PIEZO2: variants seen among roughly 807,000 people sequenced by gnomAD.
PIEZO2 encodes the protein piezo type mechanosensitive ion channel component 2.
In PIEZO2, 172 loss-of-function variants were observed where a neutral mutation model predicts 337.3. The ratio of observed to expected loss-of-function variants is 0.51; its 90% confidence interval spans 0.45 to 0.58. The LOEUF is 0.58. Among genes scored for constraint, PIEZO2 ranks in the 20% least tolerant of loss-of-function variants. The pLI is 0.00. For synonymous variants in PIEZO2, 1,251 were observed against 1,228.5 expected, an observed-to-expected ratio of 1.02 and a Z score of -0.38; for missense variants, 3,028 against 3,391.3, an observed-to-expected ratio of 0.89 and a Z score of 2.66.
chr18:10,683,466 TG>T (rs1433081981), intron 49 of PIEZO2, among the ~76,000 whole-genome samples: 1 of 152,208 alleles, frequency 6.6e-6, no homozygotes, highest in African/African-American at 2.4e-5. Flanking sequence ...GAAGTTCAGA[TG>T]GTAGCAGTGC....
chr18:10,682,208 T>C lies in PIEZO2; in HGVS notation c.7582A>G (p.Ile2528Val), dbSNP rs1300539688. Residue 2528 changes from isoleucine (I) to valine (V), a missense_variant, in exon 50 of 56, where the codon ATT becomes GTT. Transcript: ENST00000674853. The surrounding 1 kb of genome is among the most constrained non-coding windows in gnomAD (Gnocchi z 5.6). ...ATGAAGAGAAGAGGAAACCAGACAA[T>C]GCAGATGAGCAGGACGATGATCATT... ...GGMIIVLLIC[I>V]VWFPLLFMSL... 1 of 1,537,162 alleles carries C rather than the reference T, an allele frequency of 6.5e-7. No homozygotes were observed. Among genetic ancestry groups the C allele is most frequent in the Non-Finnish European group, 8.7e-7 (1 of 1,146,882 alleles).
At chr18:11,084,104 G>C (rs530001858) in intron 1 of PIEZO2, among the ~76,000 whole-genome samples, 2 of 151,458 alleles carry the variant, frequency 1.3e-5, no homozygotes, top group South Asian at 2.1e-4. Flanking sequence ...TTGAACCTGG[G>C]GGGTGGAGGC....
At chr18:11,118,564 G>A (rs1290214464) in intron 1 of PIEZO2, among the ~76,000 whole-genome samples, 1 of 152,154 alleles carries the variant, frequency 6.6e-6, no homozygotes. Flanking sequence ...CAGAAATAAT[G>A]TAAAAAGAGA....
chr18:10,753,874 C>T (rs930435213), intron 27 of PIEZO2, among the ~76,000 whole-genome samples: 1 of 152,046 alleles, frequency 6.6e-6, no homozygotes, highest in African/African-American at 2.4e-5. Context: ...TTCTAAAATA[C>T]ATAAAACCCT....
intron 34 of PIEZO2, 134 bp downstream of exon 34, chr18:10,736,470 T>C (rs2036998534): frequency 3.2e-6 from 4 of 1,239,342 alleles, no homozygotes; most frequent in East Asian, 2.6e-5. Flanking sequence ...AAATAAAGAA[T>C]TGCAGATGTA....
intron 36 of PIEZO2, chr18:10,728,318 A>C (rs1018720248): frequency 6.6e-6 from 1 of 152,540 alleles, no homozygotes; most frequent in African/African-American, 2.4e-5. Flanking sequence ...AAGTAAAAAC[A>C]GGCACACTCT....
intron 1 of PIEZO2, among the ~76,000 whole-genome samples, chr18:11,137,011 A>T (rs2040508273): frequency 6.6e-6 from 1 of 152,184 alleles, no homozygotes; most frequent in African/African-American, 2.4e-5. Context: ...TGGGTGATGA[A>T]GCTCCTTTAT....
At position 10,726,767 on chromosome 18, in the gene PIEZO2, TG is replaced by T; in HGVS notation, c.5029+4639del. The T allele has an allele frequency of 6.6e-7, 1 of 1,523,802 alleles. No individual in the cohort carries two copies. Among genetic ancestry groups the T allele is most frequent in the Non-Finnish European group, 9.1e-7 (1 of 1,102,754 alleles). 94.4% of individuals were successfully genotyped at this position (1,523,802 alleles called of 1,614,324 possible). A position where few individuals can be genotyped will look rare whatever the true frequency, so the allele number is the denominator to read the frequency against. On this transcript the variant is annotated intron_variant, in intron 36 of 55. Coordinates refer to ENST00000674853, the MANE Select transcript of PIEZO2 (RefSeq NM_001378183.1). This position sits in a 1 kb window ranked among gnomAD's most constrained non-coding sequence, Gnocchi z 5.9. ...ATCGATTTCCCGCTGCTGACCTCAC[TG>T]GGCAAGGTGTCCTATGAGGATGTGG...
rs1413179407 is a variant in PIEZO2 at position 10,969,633 on chromosome 18, A to G, written c.286+9902T>C. ...ATACCAAGTAACTTAATTGATAAATAGTTTCTAAAGAGAAATAAAACACGT... is the reference window on the plus strand; with the variant it reads ...ATACCAAGTAACTTAATTGATAAATGGTTTCTAAAGAGAAATAAAACACGT... On this transcript the variant is annotated intron_variant, in intron 3 of 55. Coordinates refer to ENST00000674853, the MANE Select transcript of PIEZO2 (RefSeq NM_001378183.1). This position sits in a 1 kb window ranked among gnomAD's most constrained non-coding sequence, Gnocchi z 4.5. Among the ~76,000 whole-genome samples the G allele has an allele frequency of 1.3e-5, 2 of 152,182 alleles. No homozygotes were observed. The highest frequency in any genetic ancestry group is 2.9e-5 in the Non-Finnish European group (2 of 68,024).
At chr18:10,719,002 TAAATA>T (rs1567981804) in intron 36 of PIEZO2, among the ~76,000 whole-genome samples, 19 of 150,804 alleles carry the variant, frequency 1.3e-4, no homozygotes, top group African/African-American at 3.6e-4. Flanking sequence ...AATAAATAAA[TAAATA>T]AATAAATAAA....
At chr18:10,807,608 A>G (rs1006824020) in intron 7 of PIEZO2, among the ~76,000 whole-genome samples, 1 of 152,234 alleles carries the variant, frequency 6.6e-6, no homozygotes, top group Non-Finnish European at 1.5e-5. Context: ...TTTAATTATT[A>G]ATCAGCCCTA....
At position 11,021,684 on chromosome 18, in the gene PIEZO2, T is replaced by A. The variant is rs1440870028; in HGVS notation, c.161-42024A>T. 6.6e-6 allele frequency among the ~76,000 whole-genome samples: 1 copy of A among 152,220 alleles called. No individual in the cohort carries two copies. Among genetic ancestry groups the A allele is most frequent in the Non-Finnish European group, 1.5e-5 (1 of 68,044 alleles). Reference sequence around the variant, plus strand: ...TCGTGCTGTAACTGCACTGATGGAATGAATGAGAAAACCACGTCCCTCCCA... The same window carrying A: ...TCGTGCTGTAACTGCACTGATGGAAAGAATGAGAAAACCACGTCCCTCCCA... On this transcript the variant is annotated intron_variant, in intron 2 of 55. Coordinates refer to ENST00000674853, the MANE Select transcript of PIEZO2 (RefSeq NM_001378183.1). The surrounding 1 kb of genome is among the most constrained non-coding windows in gnomAD (Gnocchi z 4.7).
intron 1 of PIEZO2, among the ~76,000 whole-genome samples, chr18:11,076,481 G>T (rs1304343184): frequency 6.6e-6 from 1 of 151,948 alleles, no homozygotes; most frequent in Non-Finnish European, 1.5e-5. Flanking sequence ...TGAATTTTCT[G>T]CTTTTTCCAA....
rs1332292935 is a variant in PIEZO2 at position 10,672,322 on chromosome 18, G to T, written c.8345+368C>A. Among the ~76,000 whole-genome samples the T allele has an allele frequency of 6.6e-6, 1 of 152,158 alleles. No individual in the cohort carries two copies. Among genetic ancestry groups the T allele is most frequent in the Non-Finnish European group, 1.5e-5 (1 of 68,034 alleles). On this transcript the variant is annotated intron_variant, in intron 55 of 55. Coordinates refer to ENST00000674853, the MANE Select transcript of PIEZO2 (RefSeq NM_001378183.1). The surrounding 1 kb of genome is among the most constrained non-coding windows in gnomAD (Gnocchi z 4.7). ...CATCAGAACATGATGCGATGTTTCA[G>T]AAGTTCAAAAGCAGGATGTCTAATA...
At chr18:11,137,199 T>G (rs886067393) in intron 1 of PIEZO2, among the ~76,000 whole-genome samples, 2 of 152,156 alleles carry the variant, frequency 1.3e-5, no homozygotes, top group Non-Finnish European at 2.9e-5. Context: ...CATAATCAAC[T>G]GTTTTGTAAA....
chr18:10,848,377 A>G (rs72973114), intron 7 of PIEZO2, among the ~76,000 whole-genome samples: 45,134 of 152,086 alleles, frequency 0.3, 7,196 homozygotes, highest in African/African-American at 0.43. Flanking sequence ...TCATGCTAGA[A>G]TTTGAGGTTT....
intron 4 of PIEZO2, among the ~76,000 whole-genome samples, chr18:10,893,145 C>A (rs2072479279): frequency 1.3e-5 from 2 of 152,286 alleles, no homozygotes; most frequent in East Asian, 1.9e-4. Context: ...AGACCTATTA[C>A]AAAATCACTG....
intron 1 of PIEZO2, among the ~76,000 whole-genome samples, chr18:11,135,659 T>C (rs1054392010): frequency 2.0e-5 from 3 of 152,166 alleles, no homozygotes; most frequent in Non-Finnish European, 4.4e-5. Context: ...GCAATACTCA[T>C]GCCTCAGTCT....
intron 2 of PIEZO2, among the ~76,000 whole-genome samples, chr18:10,998,824 C>T (rs1447244713): frequency 7.2e-6 from 1 of 139,230 alleles, no homozygotes; most frequent in African/African-American, 2.7e-5. Context: ...TTTATTCATA[C>T]ATTTTATTTA....
Sources: gnomAD v4.1 joint callset for allele counts (sites outside exome capture counted in the v4.1 genomes callset) on GRCh38, gnomAD v4.1.1 for gene constraint, Gnocchi (gnomAD v3.1) non-coding constraint, MANE v1.5 for transcripts, NCBI Gene and HGNC (gene_info 2026-07-23, HGNC 2026-07-21) for gene names.